The following HDLBP variants were observed in gnomAD, a reference collection of about 807,000 sequenced individuals.
HDLBP encodes the protein vigilin.
In HDLBP, 30 loss-of-function variants were observed where a neutral mutation model predicts 137.3. The ratio of observed to expected loss-of-function variants is 0.22; its 90% CI spans 0.16 to 0.30. HDLBP has a LOEUF of 0.30. Among genes scored for constraint, HDLBP ranks in the 10% least tolerant of loss-of-function variants. The pLI is 1.00. For missense variants in HDLBP, 1,119 were observed against 1,667.3 expected, an observed-to-expected ratio of 0.67 and a Z score of 5.73; for synonymous variants, 606 against 596.0, an observed-to-expected ratio of 1.02 and a Z score of -0.24.
chr2:241,271,131 T>C, intron 1 of HDLBP: 1 of 985,414 alleles, frequency 1.0e-6, no homozygotes, highest in African/African-American at 1.7e-5. Context: ...TTCTGGTAGG[T>C]GAGCCCTATC....
intron 4 of HDLBP, among the ~76,000 whole-genome samples, chr2:241,264,015 C>T (rs543898575): frequency 2.7e-5 from 4 of 147,884 alleles, no homozygotes; most frequent in African/African-American, 9.7e-5. Flanking sequence ...ACTCTTCCAT[C>T]AGATTCTACG....
chr2:241,260,645 C>T (rs1342478672), intron 5 of HDLBP, among the ~76,000 whole-genome samples: 1 of 152,138 alleles, frequency 6.6e-6, no homozygotes, highest in Non-Finnish European at 1.5e-5. Context: ...AAAATGATTA[C>T]ACAAAGCACT....
intron 1 of HDLBP, among the ~76,000 whole-genome samples, chr2:241,293,657 C>A (rs2075078545): frequency 2.6e-5 from 4 of 151,480 alleles, no homozygotes; most frequent in Admixed American, 6.6e-5. Context: ...CAGTGACTCA[C>A]ACCTGTAATC....
intron 8 of HDLBP, 91 bp from the exon 9 acceptor site, chr2:241,255,249 G>A (rs891633498): frequency 2.4e-5 from 35 of 1,428,960 alleles, no homozygotes; most frequent in Non-Finnish European, 3.1e-5. Flanking sequence ...TCAGAGGCAC[G>A]CTCTCCCCAA....
chr2:241,255,422 T>C lies in HDLBP; in HGVS notation c.1032A>G (p.Arg344=). The C allele has an allele frequency of 6.2e-7, 1 of 1,614,194 alleles. No individual in the cohort carries two copies. Among genetic ancestry groups the C allele is most frequent in the Non-Finnish European group, 8.5e-7 (1 of 1,180,038 alleles). Residue 344 remains arginine (R), a synonymous_variant, in exon 8 of 28, where the codon CGA becomes CGG. Coordinates refer to ENST00000310931, the MANE Select transcript of HDLBP (RefSeq NM_005336.6). ...SDSISETVIL[R]GEPEKLGQAL... The stretch of plus-strand genomic sequence containing the variant: ...CCTGACCTAACTTTTCAGGTTCGCC[T>C]CGAAGTATTACAGTCTCAGAGATGC...
intron 17 of HDLBP, among the ~76,000 whole-genome samples, chr2:241,241,566 CAAAAAAAAAAAAAAAAAAAAAA>C (rs56864201): frequency 1.3e-4 from 4 of 31,430 alleles, no homozygotes; most frequent in East Asian, 1.1e-3. Flanking sequence ...GACTCCGTCT[CAAAAAAAAAAAAAAAAAAAAAA>C]AAAAAAAAAA....
intron 20 of HDLBP, among the ~76,000 whole-genome samples, chr2:241,237,223 A>AG (rs1392369685): frequency 6.6e-6 from 1 of 152,134 alleles, no homozygotes; most frequent in Non-Finnish European, 1.5e-5. Context: ...GGCAGTGGGA[A>AG]GGGGGGTGAG....
chr2:241,257,170 A>T (rs1421992317), intron 5 of HDLBP, among the ~76,000 whole-genome samples: 2 of 152,248 alleles, frequency 1.3e-5, no homozygotes, highest in Non-Finnish European at 2.9e-5. Context: ...AAAAGACTGA[A>T]ATCAAGAAGT....
Position 241,311,709 on chromosome 2 carries a change from C to T in HDLBP, c.-103+3861G>A, listed in dbSNP as rs568620278. ...AAAAACAAATAAGACTTGTAATAAC[C>T]CAGGAAAACAAAAAGTTATCCAGAA... On this transcript the variant is annotated intron_variant, in intron 1 of 27. Coordinates refer to ENST00000310931, the MANE Select transcript of HDLBP (RefSeq NM_005336.6). Among the ~76,000 whole-genome samples the T allele has an allele frequency of 7.8e-4, 119 of 152,248 alleles. 1 individual carries two copies. Among genetic ancestry groups the T allele is most frequent in the African/African-American group, 2.5e-3 (104 of 41,536 alleles).
chr2:241,271,703 C>CA (rs1294835882), intron 1 of HDLBP, among the ~76,000 whole-genome samples: 1 of 152,198 alleles, frequency 6.6e-6, no homozygotes, highest in Non-Finnish European at 1.5e-5. Context: ...TGCTTTAAAG[C>CA]ACCAGACAGG....
intron 14 of HDLBP, 83 bp from the exon 15 acceptor site, chr2:241,247,225 T>C (rs2071751324): frequency 2.0e-5 from 17 of 852,312 alleles, no homozygotes; most frequent in East Asian, 1.5e-4. Flanking sequence ...AAGGGTAGCA[T>C]GAACACGACA....
chr2:241,272,701 A>AGCCCGCCCGCCCCGTCC lies in HDLBP; in HGVS notation c.-102-4177_-102-4161dup, dbSNP rs1362731064. On this transcript the variant is annotated intron_variant, in intron 1 of 27. Transcript: ENST00000310931. The surrounding 1 kb of genome is among the most constrained non-coding windows in gnomAD (Gnocchi z 5.6). ...GCCACCCCCCACCCCCCCGCCCGGC[A>AGCCCGCCCGCCCCGTCC]GCCCGCCCGCCCCGTCCGCCCGCCC... 3.4e-6 allele frequency: 2 copies of AGCCCGCCCGCCCCGTCC among 583,088 alleles called. No individual in the cohort carries two copies. The highest frequency in any genetic ancestry group is 3.9e-6 in the Non-Finnish European group (2 of 510,302). 36.1% of individuals were successfully genotyped at this position (583,088 alleles called of 1,614,324 possible). A position where few individuals can be genotyped will look rare whatever the true frequency, so the allele number is the denominator to read the frequency against.
Position 241,238,930 on chromosome 2 carries a change from C to T in HDLBP, c.2611-143G>A, listed in dbSNP as rs750228857. On this transcript the variant is annotated intron_variant, in intron 19 of 27. Transcript: ENST00000310931. This position sits in a 1 kb window ranked among gnomAD's most constrained non-coding sequence, Gnocchi z 4.9. ...TGCTCCCCTTCTCCCGAGTCCAGGG[C>T]TCCAGGCGCAGGGAGGAGGGAGGTA... 3.2e-6 allele frequency: 2 copies of T among 625,082 alleles called. No individual in the cohort carries two copies. The highest frequency in any genetic ancestry group is 7.0e-5 in the South Asian group (2 of 28,396). The allele number at this position is 625,082 out of a possible 1,614,324, so 38.7% of individuals were successfully genotyped here.
At chr2:241,295,033 C>T (rs544396161) in intron 1 of HDLBP, among the ~76,000 whole-genome samples, 339 of 152,086 alleles carry the variant, frequency 2.2e-3, no homozygotes, top group Non-Finnish European at 2.7e-3. Flanking sequence ...ACCCGGGAGG[C>T]GGAGGCTGCA....
chr2:241,247,281 G>C, intron 14 of HDLBP, 139 bp from the exon 15 acceptor site: 1 of 642,668 alleles, frequency 1.6e-6, no homozygotes, highest in Non-Finnish European at 2.8e-6. Context: ...TGTCATGAGG[G>C]TAAGTGAGAT....
chr2:241,289,353 T>A (rs910999546), intron 1 of HDLBP, among the ~76,000 whole-genome samples: 3 of 152,354 alleles, frequency 2.0e-5, no homozygotes, highest in Middle Eastern at 3.4e-3. Context: ...CTTCAGAGAT[T>A]AAGCCTCACT....
intron 16 of HDLBP, among the ~76,000 whole-genome samples, chr2:241,246,275 G>T (rs554645562): frequency 1.3e-5 from 2 of 152,082 alleles, no homozygotes; most frequent in South Asian, 2.1e-4. Context: ...AAGTGGGGGT[G>T]GGGGGAGTGT....
Position 241,239,549 on chromosome 2 carries a change from G to A in HDLBP, c.2610+53C>T, listed in dbSNP as rs543465386. On this transcript the variant is annotated intron_variant, in intron 19 of 27. Coordinates refer to ENST00000310931, the MANE Select transcript of HDLBP (RefSeq NM_005336.6). The surrounding 1 kb of genome is among the most constrained non-coding windows in gnomAD (Gnocchi z 4.6). ...GGAGCGAACACTCATACACGGCTTCGGTGAGTGGCCACTGGGGGGTGAGAA... is the reference window on the plus strand; with the variant it reads ...GGAGCGAACACTCATACACGGCTTCAGTGAGTGGCCACTGGGGGGTGAGAA... 2.7e-5 allele frequency: 40 copies of A among 1,458,188 alleles called. No individual in the cohort carries two copies. The African/African-American group carries it at 2.9e-4, about 11-fold the overall frequency. 90.3% of individuals were successfully genotyped at this position (1,458,188 alleles called of 1,614,324 possible). A position where few individuals can be genotyped will look rare whatever the true frequency, so the allele number is the denominator to read the frequency against.
intron 15 of HDLBP, 42 bp downstream of exon 15, chr2:241,247,014 G>A (rs750932094): frequency 5.1e-6 from 8 of 1,568,284 alleles, no homozygotes. Context: ...GGCTACAGAG[G>A]ACAAGGCAAG....
Sources: gnomAD v4.1 joint callset for allele counts (sites outside exome capture counted in the v4.1 genomes callset) on GRCh38, gnomAD v4.1.1 for gene constraint, Gnocchi (gnomAD v3.1) non-coding constraint, MANE v1.5 for transcripts, NCBI Gene and HGNC (gene_info 2026-07-23, HGNC 2026-07-21) for gene names.